The following TNRC6C variants were observed in gnomAD, a reference collection of about 807,000 sequenced individuals.
The protein encoded by TNRC6C is trinucleotide repeat containing adaptor 6C, also known as trinucleotide repeat-containing gene 6C protein.
A neutral mutation model predicts 153.7 loss-of-function variants in TNRC6C; 20 were observed. That is an observed-to-expected ratio of 0.13 (90% CI 0.09 to 0.19). The LOEUF is 0.19. Ranked by LOEUF, TNRC6C falls within the 10% of genes least tolerant of loss-of-function variation. The pLI is 1.00. For missense variants in TNRC6C, 1,987 were observed against 2,172.0 expected, an observed-to-expected ratio of 0.91 and a Z score of 1.69; for synonymous variants, 811 against 841.4, an observed-to-expected ratio of 0.96 and a Z score of 0.63.
intron 1 of TNRC6C, among the ~76,000 whole-genome samples, chr17:77,981,015 G>GT (rs1380506843): frequency 6.6e-6 from 1 of 152,004 alleles, no homozygotes; most frequent in Non-Finnish European, 1.5e-5. Context: ...TCACTCTATT[G>GT]TCCAGGCTGG....
chr17:78,018,237 C>G (rs1445798944), intron 1 of TNRC6C, among the ~76,000 whole-genome samples: 1 of 152,212 alleles, frequency 6.6e-6, no homozygotes, highest in Admixed American at 6.5e-5. Flanking sequence ...AGTGATTCTT[C>G]TGCCTTAGCC....
chr17:78,043,640 G>T (rs994813358), intron 2 of TNRC6C, among the ~76,000 whole-genome samples: 1 of 152,004 alleles, frequency 6.6e-6, no homozygotes, highest in Non-Finnish European at 1.5e-5. Context: ...GCTATAGTAA[G>T]CCTGTTATGC....
intron 11 of TNRC6C, among the ~76,000 whole-genome samples, chr17:78,084,583 G>A (rs2073244093): frequency 6.6e-6 from 1 of 151,850 alleles, no homozygotes; most frequent in Admixed American, 6.6e-5. Flanking sequence ...TCAGGACCAA[G>A]GCTTGGCCCT....
At chr17:77,977,930 C>G (rs1023251753) in intron 1 of TNRC6C, among the ~76,000 whole-genome samples, 6 of 132,168 alleles carry the variant, frequency 4.5e-5, no homozygotes, top group Non-Finnish European at 9.3e-5. Flanking sequence ...GAGTCTCGCT[C>G]TGTCGTGCAG....
At chr17:78,086,949 C>T in exon 13 of TNRC6C, 7 of 1,613,120 alleles carry the variant, frequency 4.3e-6, no homozygotes, top group Non-Finnish European at 5.9e-6. Context: ...ACCGCCACCG[C>T]CCCCGCCGCA....
intron 1 of TNRC6C, among the ~76,000 whole-genome samples, chr17:78,007,363 T>G (rs1358646101): frequency 6.6e-6 from 1 of 152,240 alleles, no homozygotes; most frequent in Non-Finnish European, 1.5e-5. Context: ...TGATGAATAT[T>G]AGCAGCATCA....
exon 13 of TNRC6C, chr17:78,087,093 G>A (rs370052385): frequency 3.7e-5 from 59 of 1,612,574 alleles, no homozygotes; most frequent in Non-Finnish European, 4.2e-5. Flanking sequence ...TTACCCTCTC[G>A]GTGAGTGTCC....
At chr17:78,040,407 T>C (rs1196016081) in intron 2 of TNRC6C, among the ~76,000 whole-genome samples, 1 of 152,252 alleles carries the variant, frequency 6.6e-6, no homozygotes, top group African/African-American at 2.4e-5. Flanking sequence ...TTTGTACATT[T>C]ATAAACAGAG....
chr17:78,086,365 A>G (rs770538968), intron 11 of TNRC6C, 138 bp from the exon 14 acceptor site: 92 of 331,386 alleles, frequency 2.8e-4, no homozygotes, highest in Non-Finnish European at 3.0e-4. Context: ...AAAAAACAGT[A>G]TGTGTCAGCC....
chr17:78,045,241 G>A (rs2072383763), intron 2 of TNRC6C, among the ~76,000 whole-genome samples: 1 of 152,200 alleles, frequency 6.6e-6, no homozygotes, highest in African/African-American at 2.4e-5. Flanking sequence ...GGGGCAGTCA[G>A]AGGGAAGTTT....
chr17:78,081,087 G>A (rs965636295), intron 10 of TNRC6C, among the ~76,000 whole-genome samples: 19 of 152,118 alleles, frequency 1.2e-4, no homozygotes, highest in African/African-American at 4.6e-4. Context: ...TTCAGTGTCT[G>A]GTGAGGGCCC....
intron 13 of TNRC6C, among the ~76,000 whole-genome samples, chr17:78,089,618 A>T (rs1172567733): frequency 2.6e-5 from 4 of 152,088 alleles, no homozygotes; most frequent in Admixed American, 2.6e-4. Flanking sequence ...GTCTTTTGCC[A>T]CCTGGAGTTC....
intron 1 of TNRC6C, among the ~76,000 whole-genome samples, chr17:77,987,153 T>A (rs1200239125): frequency 2.0e-5 from 3 of 152,126 alleles, no homozygotes; most frequent in Non-Finnish European, 2.9e-5. Context: ...ATAAGTTCAT[T>A]ATGAAGAAGC....
At chr17:78,087,348 G>A (rs2144509866) in intron 13 of TNRC6C, among the ~76,000 whole-genome samples, 1 of 152,144 alleles carries the variant, frequency 6.6e-6, no homozygotes, top group Non-Finnish European at 1.5e-5. Flanking sequence ...GAACTCCTGG[G>A]CTCAAGCAAT....
Position 78,039,319 on chromosome 17 carries a change from C to T in TNRC6C, c.-219+7477C>T, listed in dbSNP as rs570441873. Among the ~76,000 whole-genome samples the T allele has an allele frequency of 3.4e-4, 51 of 149,096 alleles. 2 individuals are homozygous for T. Among genetic ancestry groups the T allele is most frequent in the African/African-American group, 1.3e-3 (50 of 39,616 alleles). On this transcript the variant is annotated intron_variant, in intron 2 of 19. Transcript: ENST00000301624. ...GCAATTTCAAATCTTGCCCCCCCCC[C>T]CCACTCCCTACCTCTTACCAGGTCA...
exon 3 of TNRC6C, chr17:78,050,346 C>T (rs757452785): frequency 1.2e-6 from 2 of 1,609,790 alleles, no homozygotes; most frequent in South Asian, 2.2e-5. Context: ...GGATTATAGA[C>T]CAAGGGCACA....
At chr17:77,982,830 C>CA (rs942494400) in intron 1 of TNRC6C, among the ~76,000 whole-genome samples, 1 of 151,152 alleles carries the variant, frequency 6.6e-6, no homozygotes, top group Admixed American at 6.6e-5. Flanking sequence ...GATTTCATGT[C>CA]AAAAAAAAGG....
chr17:78,021,177 C>T (rs2071824899), intron 1 of TNRC6C, among the ~76,000 whole-genome samples: 3 of 152,228 alleles, frequency 2.0e-5, no homozygotes, highest in South Asian at 4.1e-4. Flanking sequence ...TGGGACAGTA[C>T]TCAGGCATCA....
Position 78,006,305 on chromosome 17 carries a change from T to C in TNRC6C, c.-546+1226T>C, listed in dbSNP as rs1345476964. Among the ~76,000 whole-genome samples, 3 of 152,184 alleles carry C rather than the reference T, an allele frequency of 2.0e-5. No homozygotes were observed. The East Asian group carries it at 5.8e-4, about 29-fold the overall frequency. ...AGCAGCATAGCAAAAAGGACATTTT[T>C]CTCTGTTATACTCTCAGAAGCACTG... On this transcript the variant is annotated intron_variant, in intron 1 of 19. Transcript: ENST00000301624.
Sources: gnomAD v4.1 joint callset for allele counts (sites outside exome capture counted in the v4.1 genomes callset) on GRCh38, gnomAD v4.1.1 for gene constraint, MANE v1.5 for transcripts, NCBI Gene and HGNC (gene_info 2026-07-23, HGNC 2026-07-21) for gene names.